The following PHF3 variants were observed in gnomAD, a reference collection of about 807,000 sequenced individuals.
The protein encoded by PHF3 is PHD finger protein 3.
Under a neutral mutation model 178.4 loss-of-function variants are expected in PHF3, and 41 were observed. That is an observed-to-expected ratio of 0.23 (90% confidence interval 0.18 to 0.30). The LOEUF (loss-of-function observed/expected upper bound fraction) is 0.30. PHF3 is among the 10% of genes least tolerant of loss of function. PHF3 has a pLI of 1.00. For synonymous variants in PHF3, 842 were observed against 800.5 expected (o/e 1.05, Z -0.88); for missense variants, 2,346 against 2,398.1 (o/e 0.98, Z 0.45).
intron 4 of PHF3, among the ~76,000 whole-genome samples, chr6:63,687,229 G>C (rs978540009): frequency 1.7e-4 from 26 of 152,280 alleles, no homozygotes; most frequent in African/African-American, 6.3e-4. Context: ...TTCGAGACCA[G>C]CCTGGCCAAC....
At chr6:63,689,328 C>T (rs753568160) in intron 4 of PHF3, among the ~76,000 whole-genome samples, 10 of 152,018 alleles carry the variant, frequency 6.6e-5, no homozygotes, top group Non-Finnish European at 1.2e-4. Context: ...TTTTAGTTTG[C>T]ATTACACTTT....
chr6:63,702,180 T>C (rs1767503436), intron 9 of PHF3: 1 of 159,998 alleles, frequency 6.3e-6, no homozygotes, highest in African/African-American at 2.4e-5. Context: ...TGCTAAAAAG[T>C]ACTAAATCAG....
At position 63,717,465 on chromosome 6, in the gene PHF3, T is replaced by C. The variant is rs1486309295; in HGVS notation, c.*3757T>C. On this transcript the variant is annotated 3_prime_UTR_variant, in exon 16 of 16. Coordinates refer to ENST00000262043, the MANE Select transcript of PHF3 (RefSeq NM_001370348.2). Reference sequence around the variant, plus strand: ...CTCTTAAAGCAAATTGCAAATAAAATTGGTTACTGCTTTTAAAAAGGTGCC... The same window carrying C: ...CTCTTAAAGCAAATTGCAAATAAAACTGGTTACTGCTTTTAAAAAGGTGCC... 6.6e-6 allele frequency among the ~76,000 whole-genome samples: 1 copy of C among 152,058 alleles called. No individual in the cohort carries two copies. The highest frequency in any genetic ancestry group is 2.4e-5 in the African/African-American group (1 of 41,432).
chr6:63,697,507 G>T (rs914579069), intron 6 of PHF3, among the ~76,000 whole-genome samples: 2 of 152,178 alleles, frequency 1.3e-5, no homozygotes, highest in Non-Finnish European at 2.9e-5. Context: ...GTCAGTACCA[G>T]TGCTTATTTT....
rs531806516 is a variant in PHF3 at position 63,713,427 on chromosome 6, A to G, written c.5839A>G (p.Arg1947Gly). Residue 1947 changes from arginine to glycine, a missense_variant, in exon 16 of 16, where the codon AGA becomes GGA. By Grantham distance (125) the Arg-to-Gly change is moderately radical (BLOSUM62 -2). Around this residue, in one of 8 missense-constraint regions of PHF3, gnomAD observed 839 missense variants for 806.9 expected, o/e 1.04. Transcript: ENST00000262043. ...KEWEQESERHRRRDRSQDKDR... is the reference protein window; with the variant it reads ...KEWEQESERHGRRDRSQDKDR... ...ATGGGAGCAAGAATCTGAAAGGCAT[A>G]GACGCAGAGACAGAAGCCAAGACAA... The G allele has an allele frequency of 1.7e-5, 28 of 1,614,046 alleles. No individual in the cohort carries two copies. The South Asian group carries it at 3.0e-4, about 17-fold the overall frequency.
rs1245314266 is a variant in PHF3 at position 63,662,911 on chromosome 6, G to A, written c.244+16116G>A. 2.6e-5 allele frequency among the ~76,000 whole-genome samples: 4 copies of A among 152,196 alleles called. No individual in the cohort carries two copies. In the East Asian group the frequency reaches 7.7e-4, roughly 29 times the overall value. On this transcript the variant is annotated intron_variant, in intron 2 of 15. Coordinates refer to ENST00000262043, the MANE Select transcript of PHF3 (RefSeq NM_001370348.2). ...TAAACAGAGTCTGAGATTAGGATGA[G>A]AGCATTTTACTGGTTGACAACTCCA...
intron 4 of PHF3, among the ~76,000 whole-genome samples, 197 bp from the exon 5 acceptor site, chr6:63,691,540 G>A (rs1465481762): frequency 3.3e-5 from 5 of 152,018 alleles, no homozygotes; most frequent in Admixed American, 1.3e-4. Flanking sequence ...AATATTTGAG[G>A]TCTTAAAGGT....
intron 2 of PHF3, among the ~76,000 whole-genome samples, chr6:63,657,632 A>G (rs951251282): frequency 1.3e-5 from 2 of 152,166 alleles, no homozygotes; most frequent in Non-Finnish European, 2.9e-5. Context: ...AGGAGGAAGA[A>G]CAGGGGCTAG....
At position 63,680,067 on chromosome 6, in the gene PHF3, A is replaced by T. The variant is rs139169906; in HGVS notation, c.312A>T (p.Glu104Asp). 1.2e-4 allele frequency: 186 copies of T among 1,612,784 alleles called. No homozygotes were observed. The highest frequency in any genetic ancestry group is 1.5e-4 in the Non-Finnish European group (180 of 1,179,162). ...VKESGNDTIDEEELILPNRNL... is the reference protein window; with the variant it reads ...VKESGNDTIDDEELILPNRNL... ...AAAGTGGCAATGATACCATTGATGAAGAAGAACTGATTTTACCTAACAGGA... is the reference window on the plus strand; with the variant it reads ...AAAGTGGCAATGATACCATTGATGATGAAGAACTGATTTTACCTAACAGGA... Residue 104 changes from glutamate to aspartate, a missense_variant, in exon 3 of 16, where the codon GAA becomes GAT. Glu to Asp is a conservative substitution (Grantham distance 45). Coordinates refer to ENST00000262043, the MANE Select transcript of PHF3 (RefSeq NM_001370348.2).
chr6:63,677,470 G>C (rs369738474), intron 2 of PHF3, among the ~76,000 whole-genome samples: 4 of 152,172 alleles, frequency 2.6e-5, no homozygotes, highest in East Asian at 1.9e-4. Context: ...AGCTGTGTCA[G>C]ATGCTGCTAG....
chr6:63,713,859 GAGTGCTCTGTACC>G lies in PHF3; in HGVS notation c.*159_*171del. On this transcript the variant is annotated 3_prime_UTR_variant, in exon 16 of 16. Coordinates refer to ENST00000262043, the MANE Select transcript of PHF3 (RefSeq NM_001370348.2). ...ACAGTAAATTCTGTGTGTTGGTACA[GAGTGCTCTGTACC>G]AGTGCTCATCATCCCTTCTTCATAC... 1 of 630,078 alleles carries G rather than the reference GAGTGCTCTGTACC, an allele frequency of 1.6e-6. No homozygotes were observed. Among genetic ancestry groups the G allele is most frequent in the South Asian group, 2.2e-5 (1 of 45,540 alleles). The allele number at this position is 630,078 out of a possible 1,614,324, so 39.0% of individuals were successfully genotyped here.
intron 2 of PHF3, among the ~76,000 whole-genome samples, chr6:63,655,593 A>AT (rs953890561): frequency 6.6e-6 from 1 of 152,140 alleles, no homozygotes; most frequent in African/African-American, 2.4e-5. Context: ...AATACAAATG[A>AT]TTTTTTATGT....
At chr6:63,639,854 C>T (rs552654743) in intron 1 of PHF3, among the ~76,000 whole-genome samples, 24 of 152,114 alleles carry the variant, frequency 1.6e-4, no homozygotes, top group Non-Finnish European at 3.4e-4. Flanking sequence ...GAGCTAGGTC[C>T]ACTACTTTGG....
rs776415199 is a variant in PHF3 at position 63,713,637 on chromosome 6, G to C, written c.6049G>C (p.Glu2017Gln). 5 of 1,612,162 alleles carry C rather than the reference G, an allele frequency of 3.1e-6. No homozygotes were observed. The Admixed American group carries it at 8.4e-5, about 27-fold the overall frequency. Reference protein sequence around the residue: ...DKEREKSKHREGEKDRDRYHK... With the variant: ...DKEREKSKHRQGEKDRDRYHK... ...AGAACGAGAGAAAAGTAAACACAGA[G>C]AAGGAGAAAAGGACAGGGATAGGTA... The change falls in exon 16 of 16, where the codon GAA becomes CAA. Residue 2017 changes from glutamate (E) to glutamine (Q), a missense_variant. Around this residue, in one of 8 missense-constraint regions of PHF3, gnomAD observed 839 missense variants for 806.9 expected, o/e 1.04. Transcript: ENST00000262043.
chr6:63,667,722 G>C (rs1382109715), intron 2 of PHF3, among the ~76,000 whole-genome samples: 2 of 152,106 alleles, frequency 1.3e-5, no homozygotes, highest in African/African-American at 4.8e-5. Flanking sequence ...TTTTTCCATT[G>C]ATACATTTTG....
chr6:63,681,561 A>G (rs1000187964), intron 3 of PHF3, among the ~76,000 whole-genome samples: 5 of 151,782 alleles, frequency 3.3e-5, no homozygotes, highest in African/African-American at 2.4e-5. Flanking sequence ...TTTTCAGTCA[A>G]GTTTTGTACT....
chr6:63,697,423 A>G (rs1319231491), intron 6 of PHF3, among the ~76,000 whole-genome samples: 2 of 152,232 alleles, frequency 1.3e-5, no homozygotes, highest in Non-Finnish European at 2.9e-5. Flanking sequence ...TTTATTAGGA[A>G]AAGTTAATAG....
intron 8 of PHF3, among the ~76,000 whole-genome samples, chr6:63,699,182 G>A (rs1243559132): frequency 1.3e-5 from 2 of 152,198 alleles, no homozygotes; most frequent in East Asian, 1.9e-4. Flanking sequence ...GGCTGTGCAT[G>A]TGTGTGCGTG....
chr6:63,711,613 T>A lies in PHF3; in HGVS notation c.4025T>A (p.Leu1342Ter), dbSNP rs1455194559. The change falls in exon 16 of 16, where the codon TTG becomes TAG. Residue 1342 changes from leucine (L) to a stop codon, truncating the protein, a stop_gained. Transcript: ENST00000262043. LOFTEE classifies it high-confidence loss of function. Reference protein sequence around the residue: ...PGLELHRPNLLLGLIIRQKLK... With the variant: ...PGLELHRPNL ...CTTGAACTGCATAGACCTAATCTATTGTTGGGCTTAATTATTCGTCAGAAA... is the reference window on the plus strand; with the variant it reads ...CTTGAACTGCATAGACCTAATCTATAGTTGGGCTTAATTATTCGTCAGAAA... The A allele has an allele frequency of 6.3e-7, 1 of 1,595,316 alleles. No individual in the cohort carries two copies. Among genetic ancestry groups the A allele is most frequent in the Non-Finnish European group, 8.5e-7 (1 of 1,175,252 alleles).
Sources: allele counts gnomAD v4.1 joint callset (sites outside exome capture counted in the v4.1 genomes callset), GRCh38; gene constraint gnomAD v4.1.1; regional missense constraint gnomAD v4.1.1; transcripts MANE v1.5; gene names NCBI Gene and HGNC (gene_info 2026-07-23, HGNC 2026-07-21).